Variants in PCDH7 observed in about 807,000 individuals in gnomAD.
PCDH7 encodes protocadherin 7.
In PCDH7, 17 loss-of-function variants were observed where a neutral mutation model predicts 58.9. The ratio of observed to expected loss-of-function variants is 0.29; its 90% CI spans 0.20 to 0.43. The LOEUF is 0.43. Among genes scored for constraint, PCDH7 ranks in the 20% least tolerant of loss-of-function variants. The pLI, the probability that PCDH7 is intolerant of heterozygous loss-of-function variation, is 1.00. For synonymous variants in PCDH7, 664 were observed against 616.4 expected (o/e 1.08, Z -1.14); for missense variants, 1,274 against 1,441.0 (o/e 0.88, Z 1.88).
At chr4:31,022,998 A>G (rs138017239) in intron 3 of PCDH7, among the ~76,000 whole-genome samples, 41 of 152,354 alleles carry the variant, frequency 2.7e-4, no homozygotes, top group African/African-American at 9.6e-4. Flanking sequence ...TATGCCAACT[A>G]TCTTTGCTCA....
intron 2 of PCDH7, among the ~76,000 whole-genome samples, chr4:30,946,434 CCT>C (rs1245044298): frequency 6.6e-6 from 1 of 152,034 alleles, no homozygotes; most frequent in African/African-American, 2.4e-5. Context: ...CAAAATCCAC[CCT>C]GTTTGAACAA....
At chr4:31,128,049 A>G (rs1448416657) in intron 3 of PCDH7, among the ~76,000 whole-genome samples, 1 of 151,438 alleles carries the variant, frequency 6.6e-6, no homozygotes, top group Admixed American at 6.6e-5. Flanking sequence ...GTATGCACAT[A>G]TGCATACATA....
intron 3 of PCDH7, among the ~76,000 whole-genome samples, chr4:31,062,724 C>T (rs958224190): frequency 1.3e-5 from 2 of 151,792 alleles, no homozygotes; most frequent in Non-Finnish European, 2.9e-5. Context: ...GCCACAGGGC[C>T]ATACAAAATG....
chr4:30,789,703 C>T (rs1161845648), intron 1 of PCDH7, among the ~76,000 whole-genome samples: 7 of 152,034 alleles, frequency 4.6e-5, no homozygotes, highest in Non-Finnish European at 2.9e-5. Context: ...TTATTTAGAG[C>T]ACTGGTCACA....
chr4:30,958,985 A>C (rs1343626582), intron 3 of PCDH7, among the ~76,000 whole-genome samples: 1 of 152,052 alleles, frequency 6.6e-6, no homozygotes, highest in Non-Finnish European at 1.5e-5. Flanking sequence ...TGTCTTTTCA[A>C]TAGTGTGAGG....
intron 3 of PCDH7, among the ~76,000 whole-genome samples, chr4:31,085,273 C>T (rs904672443): frequency 6.6e-6 from 1 of 152,008 alleles, no homozygotes; most frequent in Non-Finnish European, 1.5e-5. Context: ...GTGGGGCCAG[C>T]TGGTCCATCA....
At chr4:31,088,051 C>T (rs997764043) in intron 3 of PCDH7, among the ~76,000 whole-genome samples, 1 of 151,988 alleles carries the variant, frequency 6.6e-6, no homozygotes, top group Non-Finnish European at 1.5e-5. Flanking sequence ...CCAAAAATCA[C>T]TCAGTTAGTA....
chr4:30,928,814 G>A (rs1209970939), intron 2 of PCDH7, among the ~76,000 whole-genome samples: 2 of 152,032 alleles, frequency 1.3e-5, no homozygotes, highest in African/African-American at 2.4e-5. Flanking sequence ...ATACTGGCCT[G>A]GAGGCTTCAT....
At chr4:31,019,794 A>G (rs1753891390) in intron 3 of PCDH7, among the ~76,000 whole-genome samples, 1 of 152,084 alleles carries the variant, frequency 6.6e-6, no homozygotes, top group South Asian at 2.1e-4. Context: ...AGACACGCAC[A>G]TGCACACACA....
chr4:31,017,201 T>A (rs1753687252), intron 3 of PCDH7, among the ~76,000 whole-genome samples: 1 of 152,192 alleles, frequency 6.6e-6, no homozygotes, highest in South Asian at 2.1e-4. Context: ...TCTTACTATC[T>A]TCCAAATGTC....
chr4:30,801,744 G>T (rs188891036), intron 1 of PCDH7, among the ~76,000 whole-genome samples: 38 of 152,260 alleles, frequency 2.5e-4, no homozygotes, highest in African/African-American at 8.9e-4. Context: ...ACATGTGCAG[G>T]AAAGAAAAAG....
At chr4:30,955,494 TTATTG>T (rs373925224) in intron 3 of PCDH7, among the ~76,000 whole-genome samples, 28,484 of 122,824 alleles carry the variant, frequency 0.23, 3,380 homozygotes, top group South Asian at 0.3. Flanking sequence ...TTTTATTTTA[TTATTG>T]TATTTTATTT....
At chr4:30,766,648 CAT>C (rs71963039) in intron 1 of PCDH7, among the ~76,000 whole-genome samples, 65,063 of 148,776 alleles carry the variant, frequency 0.44, 15,810 homozygotes, top group African/African-American at 0.68. Flanking sequence ...AAATCTCAAA[CAT>C]ATATATATAT....
At chr4:30,731,213 C>G (rs1715443478) in exon 2 of PCDH7, 1 of 926,746 alleles carries the variant, frequency 1.1e-6, no homozygotes, top group African/African-American at 1.8e-5. Flanking sequence ...CTAAATTGAT[C>G]AATATTTTTA....
intron 2 of PCDH7, among the ~76,000 whole-genome samples, chr4:30,941,932 T>C (rs911259851): frequency 6.6e-6 from 1 of 151,972 alleles, no homozygotes; most frequent in Non-Finnish European, 1.5e-5. Context: ...TTTTAAGATA[T>C]GTAATTTTTA....
At chr4:30,782,067 G>A (rs1383065618) in intron 1 of PCDH7, among the ~76,000 whole-genome samples, 3 of 152,040 alleles carry the variant, frequency 2.0e-5, no homozygotes, top group Non-Finnish European at 4.4e-5. Flanking sequence ...TGCTTCATGT[G>A]TATGCATCTA....
intron 1 of PCDH7, among the ~76,000 whole-genome samples, chr4:30,870,607 A>G (rs1203930035): frequency 6.6e-6 from 1 of 152,138 alleles, no homozygotes; most frequent in East Asian, 1.9e-4. Flanking sequence ...TTTAAAGACT[A>G]TCTTTGACAA....
At chr4:30,955,555 T>C (rs1217183802) in intron 3 of PCDH7, among the ~76,000 whole-genome samples, 1 of 151,740 alleles carries the variant, frequency 6.6e-6, no homozygotes, top group Non-Finnish European at 1.5e-5. Flanking sequence ...TATTTTATTT[T>C]TTGAGACAGA....
At chr4:31,121,312 C>T (rs1717665914) in intron 3 of PCDH7, among the ~76,000 whole-genome samples, 4 of 152,096 alleles carry the variant, frequency 2.6e-5, no homozygotes, top group African/African-American at 9.7e-5. Flanking sequence ...TTTTTAATAA[C>T]AGAAAATCAT....
Sources: allele counts gnomAD v4.1 joint callset (sites outside exome capture counted in the v4.1 genomes callset), GRCh38; gene constraint gnomAD v4.1.1; transcripts MANE v1.5; gene names NCBI Gene and HGNC (gene_info 2026-07-23, HGNC 2026-07-21).